The following XIRP2 variants were observed in gnomAD, a reference collection of about 807,000 sequenced individuals.
XIRP2 encodes the protein xin actin-binding repeat-containing protein 2.
Under a neutral mutation model 277.0 loss-of-function variants are expected in XIRP2, and 236 were observed. The observed-to-expected ratio is 0.85, with a 90% CI of 0.77 to 0.95. The LOEUF (loss-of-function observed/expected upper bound fraction) is 0.95, where lower values mean the gene tolerates loss of function less well. Among genes scored for constraint, XIRP2 ranks in the 40% least tolerant of loss-of-function variants. The probability of loss-of-function intolerance (pLI) is 0.00; values close to 1 mark genes in which losing one functional copy is unlikely to be tolerated. For missense variants in XIRP2, 4,640 were observed against 4,157.5 expected (o/e 1.12, Z -3.19); for synonymous variants, 1,490 against 1,416.5 (o/e 1.05, Z -1.17).
intron 2 of XIRP2, among the ~76,000 whole-genome samples, chr2:167,068,209 T>C (rs1024183355): frequency 2.0e-5 from 3 of 152,206 alleles, no homozygotes; most frequent in African/African-American, 7.2e-5. Flanking sequence ...ACAGATATTC[T>C]TCTCTAGAAT....
chr2:166,935,601 C>A (rs987990438), intron 2 of XIRP2, among the ~76,000 whole-genome samples: 9 of 152,088 alleles, frequency 5.9e-5, no homozygotes, highest in Admixed American at 3.3e-4. Context: ...TGTGATGTTC[C>A]CCTTCCTGTG....
At chr2:166,975,159 G>C (rs534361507) in intron 2 of XIRP2, among the ~76,000 whole-genome samples, 13 of 151,944 alleles carry the variant, frequency 8.6e-5, no homozygotes, top group Non-Finnish European at 1.5e-4. Flanking sequence ...ATGAAGTAGA[G>C]ACTGACAGAA....
chr2:166,982,315 A>AG (rs1400536660), intron 2 of XIRP2, among the ~76,000 whole-genome samples: 1 of 129,416 alleles, frequency 7.7e-6, no homozygotes, highest in Non-Finnish European at 1.6e-5. Context: ...GTTTAGGTAC[A>AG]GTTTTTTTTT....
At chr2:167,143,268 T>G (rs561623735) in intron 3 of XIRP2, among the ~76,000 whole-genome samples, 23 of 152,104 alleles carry the variant, frequency 1.5e-4, no homozygotes, top group Admixed American at 7.9e-4. Context: ...TAAACAGATG[T>G]CAACACTAGG....
chr2:166,897,989 A>G (rs537768974), intron 1 of XIRP2, among the ~76,000 whole-genome samples: 18 of 152,234 alleles, frequency 1.2e-4, no homozygotes, highest in African/African-American at 4.1e-4. Context: ...ACTGCTCCCT[A>G]TGTGACCCTC....
At chr2:167,079,393 T>C (rs969937189) in intron 2 of XIRP2, among the ~76,000 whole-genome samples, 1 of 152,178 alleles carries the variant, frequency 6.6e-6, no homozygotes, top group African/African-American at 2.4e-5. Flanking sequence ...TTTAGAACAG[T>C]TCAAGTAGAA....
At chr2:167,164,864 C>T (rs535688941) in intron 3 of XIRP2, among the ~76,000 whole-genome samples, 95 of 152,202 alleles carry the variant, frequency 6.2e-4, no homozygotes, top group African/African-American at 2.0e-3. Context: ...TACCTATGTC[C>T]GTAGATACTG....
At chr2:167,191,703 T>C (rs911774477) in intron 3 of XIRP2, among the ~76,000 whole-genome samples, 2 of 152,154 alleles carry the variant, frequency 1.3e-5, no homozygotes, top group East Asian at 3.8e-4. Context: ...AAAACCCCAC[T>C]CTCATCACTG....
intron 2 of XIRP2, among the ~76,000 whole-genome samples, chr2:167,053,122 A>C (rs977748359): frequency 5.3e-5 from 8 of 152,172 alleles, no homozygotes; most frequent in African/African-American, 1.9e-4. Flanking sequence ...TCCATCAGTT[A>C]TGATTTTGTT....
At chr2:167,150,426 A>G (rs576579677) in intron 3 of XIRP2, among the ~76,000 whole-genome samples, 3 of 152,056 alleles carry the variant, frequency 2.0e-5, no homozygotes, top group South Asian at 2.1e-4. Flanking sequence ...AATACTATAC[A>G]TGAGTACAAT....
chr2:167,103,379 G>A (rs767799575), intron 2 of XIRP2, among the ~76,000 whole-genome samples: 11 of 152,166 alleles, frequency 7.2e-5, no homozygotes, highest in Non-Finnish European at 1.5e-4. Context: ...AGGCCTGTCA[G>A]AGAAAAAAAC....
intron 2 of XIRP2, among the ~76,000 whole-genome samples, chr2:166,941,946 A>G (rs999234997): frequency 6.6e-6 from 1 of 152,216 alleles, no homozygotes; most frequent in Admixed American, 6.5e-5. Context: ...ACAGCAATAT[A>G]ACGTATTTAT....
intron 2 of XIRP2, among the ~76,000 whole-genome samples, chr2:166,996,061 C>T (rs946364930): frequency 2.0e-5 from 3 of 152,130 alleles, no homozygotes; most frequent in African/African-American, 2.4e-5. Context: ...GTTTTATAAA[C>T]GACTACTTAA....
chr2:167,256,897 T>C (rs1305367032), intron 10 of XIRP2, among the ~76,000 whole-genome samples: 1 of 151,912 alleles, frequency 6.6e-6, no homozygotes, highest in Non-Finnish European at 1.5e-5. Flanking sequence ...TCCTGCTCAA[T>C]CTTGATTCTA....
intron 10 of XIRP2, 28 bp downstream of exon 10, chr2:167,254,193 A>G (rs1240297613): frequency 1.7e-5 from 27 of 1,600,488 alleles, no homozygotes; most frequent in Non-Finnish European, 2.3e-5. Context: ...CTTTGCCACA[A>G]ATATTCCAGG....
intron 3 of XIRP2, among the ~76,000 whole-genome samples, chr2:167,205,236 A>G (rs1445136775): frequency 6.6e-6 from 1 of 152,192 alleles, no homozygotes; most frequent in Non-Finnish European, 1.5e-5. Flanking sequence ...CTCTCCAACT[A>G]TACTGAAAGC....
chr2:167,242,766 C>G lies in XIRP2; in HGVS notation c.1374C>G (p.Asp458Glu), dbSNP rs1016587142. The G allele has an allele frequency of 6.2e-7, 1 of 1,614,056 alleles. No homozygotes were observed. Residue 458 changes from aspartate (D) to glutamate (E), a missense_variant, in exon 9 of 11, where the codon GAC becomes GAG. Physicochemically the swap from Asp to Glu is conservative, Grantham distance 45 (BLOSUM62 2). Transcript: ENST00000409195. ...AAGAATTTCCTCCTCCCCCACCTGA[C>G]GTACTTCAAACTTCAGTAGATGTGA... ...MTEEFPPPPP[D>E]VLQTSVDVTA... is the part of the protein sequence containing the mutation.
rs754709755 is a variant in XIRP2, at chr2:167,247,776, A to C, written c.6384A>C (p.Glu2128Asp). 6.2e-7 allele frequency: 1 copy of C among 1,613,460 alleles called. No individual in the cohort carries two copies. The highest frequency in any genetic ancestry group is 8.5e-7 in the Non-Finnish European group (1 of 1,179,676). The change falls in exon 9 of 11, where the codon GAA (glutamate) becomes GAC (aspartate). Residue 2128 changes from glutamate to aspartate, a missense_variant. Glu to Asp is a conservative substitution (Grantham distance 45). Transcript: ENST00000409195. ...CCGTTGGAAAGCAACAGACATATGA[A>C]CTGAGAAATGACCACCAGAAAATGG... ...GKTVGKQQTYELRNDHQKMEG... is the reference protein window; with the variant it reads ...GKTVGKQQTYDLRNDHQKMEG...
intron 9 of XIRP2, among the ~76,000 whole-genome samples, chr2:167,252,699 C>G (rs1490600808): frequency 6.6e-6 from 1 of 151,850 alleles, no homozygotes. Context: ...CAGCTCATTT[C>G]CCTACTTCTT....
Sources: allele counts gnomAD v4.1 joint callset (sites outside exome capture counted in the v4.1 genomes callset), GRCh38; gene constraint gnomAD v4.1.1; transcripts MANE v1.5; gene names NCBI Gene and HGNC (gene_info 2026-07-23, HGNC 2026-07-21).